The following ZSWIM6 variants were observed in gnomAD, a reference collection of about 807,000 sequenced individuals.
ZSWIM6 encodes zinc finger SWIM-type containing 6.
In ZSWIM6, 9 loss-of-function variants were observed where a neutral mutation model predicts 113.2. That is an observed-to-expected ratio of 0.08 (90% CI 0.05 to 0.14). The LOEUF (loss-of-function observed/expected upper bound fraction) is 0.14. Among genes scored for constraint, ZSWIM6 ranks in the 10% least tolerant of loss-of-function variants. ZSWIM6 has a pLI of 1.00. For synonymous variants in ZSWIM6, 611 were observed against 606.5 expected (o/e 1.01, Z -0.11); for missense variants, 1,162 against 1,552.2 (o/e 0.75, Z 4.22).
intron 2 of ZSWIM6, among the ~76,000 whole-genome samples, chr5:61,473,479 G>A (rs1205153186): frequency 6.6e-6 from 1 of 152,132 alleles, no homozygotes; most frequent in East Asian, 1.9e-4. Flanking sequence ...ATTATAGCTT[G>A]TTTAGAGAGA....
In ZSWIM6 at chr5:61,348,283, C is replaced by T. The variant is rs1483786495; in HGVS notation, c.676+15335C>T. On this transcript the variant is annotated intron_variant, in intron 1 of 13. Coordinates refer to ENST00000252744, the MANE Select transcript of ZSWIM6 (RefSeq NM_020928.2). ...TAGTTTGTATTTTTAAAATAGCATA[C>T]GTAGGATGAGTCTTGGTGGTAGTGG... Among the ~76,000 whole-genome samples, 8 of 151,848 alleles carry T rather than the reference C, an allele frequency of 5.3e-5. No individual in the cohort carries two copies. The South Asian group carries it at 6.3e-4, about 12-fold the overall frequency.
At chr5:61,413,650 A>G (rs1746189800) in intron 1 of ZSWIM6, among the ~76,000 whole-genome samples, 1 of 152,058 alleles carries the variant, frequency 6.6e-6, no homozygotes, top group Non-Finnish European at 1.5e-5. Flanking sequence ...CAGTGTAAAA[A>G]TGTTCCTATT....
chr5:61,449,344 T>C (rs1747036096), intron 1 of ZSWIM6, among the ~76,000 whole-genome samples: 1 of 152,194 alleles, frequency 6.6e-6, no homozygotes, highest in Non-Finnish European at 1.5e-5. Flanking sequence ...ATTAGGCTTA[T>C]AAAACTTTTT....
At chr5:61,479,544 A>T (rs1367993145) in intron 2 of ZSWIM6, among the ~76,000 whole-genome samples, 1 of 152,118 alleles carries the variant, frequency 6.6e-6, no homozygotes, top group South Asian at 2.1e-4. Context: ...CTCTCATTTA[A>T]CTGGCCTCCA....
intron 1 of ZSWIM6, among the ~76,000 whole-genome samples, chr5:61,383,981 C>T (rs926783731): frequency 1.3e-5 from 2 of 150,948 alleles, no homozygotes; most frequent in Admixed American, 1.3e-4. Flanking sequence ...GTGGCTCACG[C>T]CTGTAATCCC....
chr5:61,436,924 C>T (rs149256341), intron 1 of ZSWIM6, among the ~76,000 whole-genome samples: 1 of 152,112 alleles, frequency 6.6e-6, no homozygotes, highest in East Asian at 1.9e-4. Flanking sequence ...TTCCACTGCC[C>T]ATAATCTAAT....
At chr5:61,437,036 A>G (rs1179123666) in intron 1 of ZSWIM6, among the ~76,000 whole-genome samples, 1 of 152,156 alleles carries the variant, frequency 6.6e-6, no homozygotes, top group African/African-American at 2.4e-5. Context: ...CATCTGCTTC[A>G]AGGCACACAC....
intron 1 of ZSWIM6, among the ~76,000 whole-genome samples, chr5:61,471,516 G>A (rs532741028): frequency 3.9e-4 from 59 of 152,312 alleles, no homozygotes; most frequent in Admixed American, 1.4e-3. Flanking sequence ...TGGCCCCCAG[G>A]GCAGGGTGAG....
intron 1 of ZSWIM6, among the ~76,000 whole-genome samples, chr5:61,431,581 T>TAAAAATAA (rs934053476): frequency 5.3e-5 from 8 of 149,610 alleles, no homozygotes; most frequent in Non-Finnish European, 1.2e-4. Flanking sequence ...CTGTCTCTAC[T>TAAAAATAA]AAAAATAAAA....
chr5:61,529,120 T>A (rs1039978881), intron 7 of ZSWIM6, among the ~76,000 whole-genome samples: 1 of 152,192 alleles, frequency 6.6e-6, no homozygotes, highest in Non-Finnish European at 1.5e-5. Context: ...GGCAAGAGAA[T>A]CGCTTGAACC....
At chr5:61,442,452 A>G (rs1302029444) in intron 1 of ZSWIM6, among the ~76,000 whole-genome samples, 1 of 152,140 alleles carries the variant, frequency 6.6e-6, no homozygotes, top group Non-Finnish European at 1.5e-5. Flanking sequence ...GAGGAATCAA[A>G]GTTTAATCTA....
chr5:61,476,775 A>G (rs1747715523), intron 2 of ZSWIM6, among the ~76,000 whole-genome samples: 2 of 152,118 alleles, frequency 1.3e-5, no homozygotes, highest in South Asian at 4.1e-4. Flanking sequence ...CTTCCTATTA[A>G]AGGAGACGTA....
At chr5:61,516,306 A>G (rs898925396) in intron 4 of ZSWIM6, among the ~76,000 whole-genome samples, 7 of 149,044 alleles carry the variant, frequency 4.7e-5, no homozygotes, top group African/African-American at 1.5e-4. Context: ...TTTAATTTCT[A>G]TTATCCTTTG....
chr5:61,496,687 A>G (rs898744427), intron 4 of ZSWIM6, among the ~76,000 whole-genome samples: 5 of 152,122 alleles, frequency 3.3e-5, no homozygotes, highest in African/African-American at 1.2e-4. Flanking sequence ...CCTGAATACA[A>G]ATGTCACATG....
At position 61,417,788 on chromosome 5, in the gene ZSWIM6, G is replaced by A. The variant is rs116683322; in HGVS notation, c.677-54893G>A. On this transcript the variant is annotated intron_variant, in intron 1 of 13. Transcript: ENST00000252744. ...TATACTCAAGAGTTTTGGAGAATGG[G>A]TAGATTGTTTATCTGTGAATTTTTA... Among the ~76,000 whole-genome samples the A allele has an allele frequency of 4.5e-3, 680 of 152,280 alleles. 3 individuals are homozygous for A. Among genetic ancestry groups the A allele is most frequent in the Non-Finnish European group, 6.9e-3 (466 of 68,020 alleles).
At chr5:61,506,730 T>C (rs1228050069) in intron 4 of ZSWIM6, among the ~76,000 whole-genome samples, 1 of 152,234 alleles carries the variant, frequency 6.6e-6, no homozygotes, top group Admixed American at 6.5e-5. Context: ...CAACTAATTA[T>C]GCCAGTGATC....
intron 1 of ZSWIM6, among the ~76,000 whole-genome samples, chr5:61,413,284 G>C (rs1746182899): frequency 6.7e-6 from 1 of 148,580 alleles, no homozygotes; most frequent in Non-Finnish European, 1.5e-5. Context: ...TTGGTTTTTT[G>C]CACTTGCAAT....
intron 1 of ZSWIM6, among the ~76,000 whole-genome samples, chr5:61,428,990 T>C (rs374196625): frequency 2.0e-5 from 3 of 152,242 alleles, no homozygotes; most frequent in African/African-American, 7.2e-5. Context: ...ACCATTGTTA[T>C]AAAACAGATT....
intron 1 of ZSWIM6, among the ~76,000 whole-genome samples, chr5:61,460,033 T>C (rs888375857): frequency 2.0e-5 from 3 of 152,198 alleles, no homozygotes; most frequent in African/African-American, 7.2e-5. Flanking sequence ...AACAACAGCA[T>C]TGGTGTATTT....
Sources: allele counts gnomAD v4.1 joint callset (sites outside exome capture counted in the v4.1 genomes callset), GRCh38; gene constraint gnomAD v4.1.1; transcripts MANE v1.5; gene names NCBI Gene and HGNC (gene_info 2026-07-23, HGNC 2026-07-21).